The following FHOD3 variants were observed in gnomAD, a reference collection of about 807,000 sequenced individuals.
The protein encoded by FHOD3 is FH1/FH2 domain-containing protein 3.
Under a neutral mutation model 173.0 loss-of-function variants are expected in FHOD3, and 90 were observed. That is an observed-to-expected ratio of 0.52 (90% CI 0.44 to 0.62). The LOEUF (loss-of-function observed/expected upper bound fraction) is 0.62, where lower values mean the gene tolerates loss of function less well. FHOD3 is among the 20% of genes least tolerant of loss of function. The probability of loss-of-function intolerance (pLI) is 0.00; values close to 1 mark genes in which losing one functional copy is unlikely to be tolerated. For missense variants in FHOD3, 1,945 were observed against 2,034.7 expected (o/e 0.96, Z 0.85); for synonymous variants, 828 against 823.0 (o/e 1.01, Z -0.10).
chr18:36,365,265 T>A (rs566173256), intron 2 of FHOD3, among the ~76,000 whole-genome samples: 1 of 152,298 alleles, frequency 6.6e-6, no homozygotes, highest in South Asian at 2.1e-4. Flanking sequence ...AAAAATAGTT[T>A]GGACTTCATA....
At chr18:36,712,196 G>T (rs1166096469) in intron 18 of FHOD3, among the ~76,000 whole-genome samples, 1 of 152,194 alleles carries the variant, frequency 6.6e-6, no homozygotes, top group Non-Finnish European at 1.5e-5. Context: ...AGCATAAAAT[G>T]TCCAAGACAT....
chr18:36,495,385 C>G (rs113180835), intron 3 of FHOD3, among the ~76,000 whole-genome samples: 1 of 152,146 alleles, frequency 6.6e-6, no homozygotes. Flanking sequence ...CCTGCAACCT[C>G]CCCTGATTGG....
intron 19 of FHOD3, among the ~76,000 whole-genome samples, chr18:36,724,253 C>A (rs1600425862): frequency 6.6e-6 from 1 of 152,192 alleles, no homozygotes; most frequent in Non-Finnish European, 1.5e-5. Flanking sequence ...TATATCCAGC[C>A]GAGCCTAAAT....
chr18:36,443,205 CT>C (rs1440140783), intron 3 of FHOD3, among the ~76,000 whole-genome samples: 1 of 152,144 alleles, frequency 6.6e-6, no homozygotes, highest in Non-Finnish European at 1.5e-5. Context: ...TGTAAACATC[CT>C]GCTCATCATG....
rs1423928634 is a variant in FHOD3 at position 36,433,149 on chromosome 18, T to G, written c.337+60405T>G. On this transcript the variant is annotated intron_variant, in intron 3 of 28. Coordinates refer to ENST00000590592, the MANE Select transcript of FHOD3 (RefSeq NM_001281740.3). ...AAACTGATTTGGAAACTTAATTACA[T>G]CTGCAAAATTCCCTCATTGTTGTCA... Among the ~76,000 whole-genome samples the G allele has an allele frequency of 3.3e-5, 5 of 152,292 alleles. No homozygotes were observed. In the East Asian group the frequency reaches 9.7e-4, roughly 29 times the overall value.
intron 19 of FHOD3, among the ~76,000 whole-genome samples, chr18:36,726,924 C>T (rs755580861): frequency 2.6e-5 from 4 of 152,176 alleles, no homozygotes; most frequent in African/African-American, 9.7e-5. Context: ...CTGCCCACCT[C>T]GGCCTCCCAA....
intron 27 of FHOD3, 112 bp from the exon 28 acceptor site, chr18:36,769,153 T>A: frequency 7.8e-7 from 1 of 1,289,154 alleles, no homozygotes; most frequent in South Asian, 1.4e-5. Flanking sequence ...AACTCTGGCC[T>A]TCCCTGTGAT....
At chr18:36,374,733 A>T (rs2047354604) in intron 3 of FHOD3, among the ~76,000 whole-genome samples, 1 of 152,248 alleles carries the variant, frequency 6.6e-6, no homozygotes, top group Non-Finnish European at 1.5e-5. Flanking sequence ...TGGAATTCCA[A>T]TGGGTAGATC....
intron 10 of FHOD3, among the ~76,000 whole-genome samples, chr18:36,642,206 G>A (rs1179349191): frequency 6.6e-6 from 1 of 152,020 alleles, no homozygotes; most frequent in Non-Finnish European, 1.5e-5. Flanking sequence ...TTAGTACCTG[G>A]GTGAAGAAAT....
At chr18:36,536,582 C>T (rs898354275) in intron 5 of FHOD3, among the ~76,000 whole-genome samples, 1 of 152,232 alleles carries the variant, frequency 6.6e-6, no homozygotes, top group African/African-American at 2.4e-5. Flanking sequence ...TGCACATGCC[C>T]TTCCTTGATG....
At chr18:36,356,767 C>A (rs1215436301) in intron 2 of FHOD3, among the ~76,000 whole-genome samples, 2 of 152,064 alleles carry the variant, frequency 1.3e-5, no homozygotes, top group African/African-American at 4.8e-5. Context: ...TCCCGAGTAG[C>A]TGGGACTACA....
At chr18:36,699,224 G>A (rs374084727) in intron 17 of FHOD3, among the ~76,000 whole-genome samples, 43 of 152,350 alleles carry the variant, frequency 2.8e-4, no homozygotes, top group African/African-American at 8.9e-4. Context: ...TATGAAATTT[G>A]TATCCTAAAG....
At chr18:36,701,480 C>G (rs1334077940) in intron 17 of FHOD3, among the ~76,000 whole-genome samples, 1 of 152,102 alleles carries the variant, frequency 6.6e-6, no homozygotes, top group Non-Finnish European at 1.5e-5. Flanking sequence ...TGAACTTAAT[C>G]AGAAGCGTAA....
At chr18:36,657,139 TTG>T (rs1293196368) in intron 13 of FHOD3, among the ~76,000 whole-genome samples, 2 of 152,226 alleles carry the variant, frequency 1.3e-5, no homozygotes, top group Non-Finnish European at 2.9e-5. Context: ...AAGAAGCTCT[TTG>T]TGTCCTTATA....
chr18:36,361,347 G>C (rs771978016), intron 2 of FHOD3, among the ~76,000 whole-genome samples: 1 of 152,112 alleles, frequency 6.6e-6, no homozygotes, highest in Non-Finnish European at 1.5e-5. Flanking sequence ...CTAGGTTCTG[G>C]CTTCAGAAGG....
intron 3 of FHOD3, among the ~76,000 whole-genome samples, chr18:36,411,767 C>A (rs926735573): frequency 6.6e-6 from 1 of 152,184 alleles, no homozygotes; most frequent in Non-Finnish European, 1.5e-5. Context: ...GATTCTGATT[C>A]CTATTTTTAA....
At chr18:36,597,767 C>T (rs2030707210) in intron 7 of FHOD3, among the ~76,000 whole-genome samples, 1 of 148,770 alleles carries the variant, frequency 6.7e-6, no homozygotes, top group Non-Finnish European at 1.5e-5. Context: ...AAACCTTTGG[C>T]AACTGCTGTT....
At position 36,335,308 on chromosome 18, in the gene FHOD3, A is replaced by T. The variant is rs573494762; in HGVS notation, c.166-20231A>T. On this transcript the variant is annotated intron_variant, in intron 1 of 28. Transcript: ENST00000590592. ...CAGGAGATCGAGACCATCCTGGCTA[A>T]CAAGGTGAAACCCCGTCTCTACTAA... Among the ~76,000 whole-genome samples, 3 of 152,054 alleles carry T rather than the reference A, an allele frequency of 2.0e-5. No individual in the cohort carries two copies. In the South Asian group the frequency reaches 6.2e-4, roughly 32 times the overall value.
rs138836570 is a variant in FHOD3, at chr18:36,746,980, G to A, written c.4077G>A (p.Gln1359=). The A allele has an allele frequency of 6.2e-7, 1 of 1,612,868 alleles. No individual in the cohort carries two copies. ...ATCAACTTCAGGATAATTTATGTCA[G>A]ATGGAGAGAAGATGCAAAGCTTCAT... ...DFDQLQDNLC[Q]MERRCKASWD... The change falls in exon 24 of 29, where the codon CAG becomes CAA. Residue 1359 remains glutamine (Q), a synonymous_variant. Coordinates refer to ENST00000590592, the MANE Select transcript of FHOD3 (RefSeq NM_001281740.3).
Sources: gnomAD v4.1 joint callset for allele counts (sites outside exome capture counted in the v4.1 genomes callset) on GRCh38, gnomAD v4.1.1 for gene constraint, MANE v1.5 for transcripts, NCBI Gene and HGNC (gene_info 2026-07-23, HGNC 2026-07-21) for gene names.